TWSG1: variants seen among roughly 807,000 people sequenced by gnomAD.
TWSG1 encodes the protein twisted gastrulation protein homolog 1.
A neutral mutation model predicts 23.0 loss-of-function variants in TWSG1; 15 were observed. That is an observed-to-expected ratio of 0.65 (90% CI 0.44 to 1.00). The LOEUF is 1.00. Ranked by LOEUF, TWSG1 falls within the 50% of genes least tolerant of loss-of-function variation. The pLI, the probability that TWSG1 is intolerant of heterozygous loss-of-function variation, is 0.00. For missense variants in TWSG1, 242 were observed against 278.7 expected, an observed-to-expected ratio of 0.87 and a Z score of 0.94; for synonymous variants, 86 against 92.8, an observed-to-expected ratio of 0.93 and a Z score of 0.42.
intron 3 of TWSG1, among the ~76,000 whole-genome samples, chr18:9,361,719 G>GT (rs1307480635): frequency 3.3e-5 from 5 of 152,158 alleles, no homozygotes; most frequent in Admixed American, 3.3e-4. Flanking sequence ...TACGTTCCTT[G>GT]TTTTTTTCCC....
chr18:9,355,403 C>T (rs1381467154), intron 2 of TWSG1, among the ~76,000 whole-genome samples: 1 of 152,114 alleles, frequency 6.6e-6, no homozygotes, highest in African/African-American at 2.4e-5. Flanking sequence ...GAGTTCAAAG[C>T]ACTTTACAAA....
chr18:9,382,174 A>G (rs767356401), intron 3 of TWSG1, among the ~76,000 whole-genome samples: 1 of 151,200 alleles, frequency 6.6e-6, no homozygotes, highest in Non-Finnish European at 1.5e-5. Context: ...GGAAAGTTCT[A>G]ACTTTTGGGA....
chr18:9,353,243 A>C lies in TWSG1; in HGVS notation c.124-6729A>C, dbSNP rs538668423. On this transcript the variant is annotated intron_variant, in intron 2 of 4. Transcript: ENST00000262120. The stretch of plus-strand genomic sequence containing the variant: ...GATGCATTTTTCAGAATGTATCCCT[A>C]TCCTTAAGCGATAAAGCGTGACTGT... 1.1e-3 allele frequency among the ~76,000 whole-genome samples: 170 copies of C among 152,012 alleles called. 2 individuals carry two copies. The highest frequency in any genetic ancestry group is 4.0e-3 in the African/African-American group (166 of 41,504).
chr18:9,349,348 G>A (rs902616933), intron 2 of TWSG1, among the ~76,000 whole-genome samples: 1 of 152,116 alleles, frequency 6.6e-6, no homozygotes, highest in Non-Finnish European at 1.5e-5. Context: ...TAGTTTTTAG[G>A]ATGACATAAA....
chr18:9,396,225 G>A, intron 3 of TWSG1, 55 bp from the exon 4 acceptor site: 2 of 1,471,304 alleles, frequency 1.4e-6, no homozygotes. Flanking sequence ...ATGTGTTATA[G>A]CTCTGATTGC....
At chr18:9,366,651 G>C (rs891364226) in intron 3 of TWSG1, among the ~76,000 whole-genome samples, 3 of 152,154 alleles carry the variant, frequency 2.0e-5, no homozygotes, top group African/African-American at 7.2e-5. Flanking sequence ...TTCCTGCATA[G>C]AATGGATTTC....
chr18:9,352,134 T>C (rs983992722), intron 2 of TWSG1, among the ~76,000 whole-genome samples: 1 of 152,200 alleles, frequency 6.6e-6, no homozygotes, highest in African/African-American at 2.4e-5. Flanking sequence ...TTTTTTTCTC[T>C]ATAGTTTTGC....
At position 9,401,928 on chromosome 18, in the gene TWSG1, C is replaced by A. The variant is rs894322571; in HGVS notation, c.*2401C>A. The A allele has an allele frequency of 1.3e-4, 20 of 151,876 alleles. No individual in the cohort carries two copies. The highest frequency in any genetic ancestry group is 4.8e-4 in the African/African-American group (20 of 41,342). The allele number at this position is 151,876 out of a possible 1,614,324, so 9.4% of individuals were successfully genotyped here. On this transcript the variant is annotated 3_prime_UTR_variant, in exon 5 of 5. Transcript: ENST00000262120. Reference sequence around the variant, plus strand: ...TTAAATCAGTGGGTATCATAAAAGCCATATATAAAAGATCCTTTCTTATAG... The same window carrying A: ...TTAAATCAGTGGGTATCATAAAAGCAATATATAAAAGATCCTTTCTTATAG...
intron 2 of TWSG1, among the ~76,000 whole-genome samples, chr18:9,347,610 ATT>A (rs1222682083): frequency 6.6e-6 from 1 of 152,042 alleles, no homozygotes; most frequent in East Asian, 1.9e-4. Flanking sequence ...TAGTGGAATT[ATT>A]CTCTTAATTT....
At chr18:9,377,874 A>G (rs1305963919) in intron 3 of TWSG1, among the ~76,000 whole-genome samples, 3 of 151,958 alleles carry the variant, frequency 2.0e-5, no homozygotes, top group Non-Finnish European at 4.4e-5. Context: ...ATGTGCCACC[A>G]CGCCTGGCTA....
At chr18:9,389,222 C>T (rs1041335708) in intron 3 of TWSG1, among the ~76,000 whole-genome samples, 10 of 151,720 alleles carry the variant, frequency 6.6e-5, no homozygotes, top group African/African-American at 1.2e-4. Flanking sequence ...GTGATGTGCC[C>T]GCCTCAGCCT....
chr18:9,363,742 C>T (rs1045737022), intron 3 of TWSG1, among the ~76,000 whole-genome samples: 1 of 152,102 alleles, frequency 6.6e-6, no homozygotes, highest in African/African-American at 2.4e-5. Context: ...TCTCCTGCCT[C>T]AGCCTCCCAG....
intron 3 of TWSG1, among the ~76,000 whole-genome samples, chr18:9,392,817 A>G (rs1309370718): frequency 6.6e-6 from 1 of 152,170 alleles, no homozygotes; most frequent in Non-Finnish European, 1.5e-5. Context: ...GAACACTTGG[A>G]GACCATAGTA....
At chr18:9,340,445 A>G (rs1300325210) in intron 2 of TWSG1, among the ~76,000 whole-genome samples, 2 of 151,934 alleles carry the variant, frequency 1.3e-5, no homozygotes, top group East Asian at 1.9e-4. Flanking sequence ...ATTCACAAAC[A>G]TTTATTGAGT....
At chr18:9,394,669 CATAAGT>C (rs1454375890) in intron 3 of TWSG1, among the ~76,000 whole-genome samples, 3 of 152,250 alleles carry the variant, frequency 2.0e-5, no homozygotes, top group East Asian at 3.9e-4. Flanking sequence ...CACTGTAACT[CATAAGT>C]ATAATTATTA....
intron 4 of TWSG1, 52 bp downstream of exon 4, chr18:9,396,598 C>T (rs2040737748): frequency 1.3e-6 from 2 of 1,577,596 alleles, no homozygotes; most frequent in Non-Finnish European, 1.7e-6. Flanking sequence ...GTGGTCTGTC[C>T]ATGTAATCTA....
chr18:9,338,143 A>G (rs1410649692), intron 2 of TWSG1, among the ~76,000 whole-genome samples: 2 of 152,254 alleles, frequency 1.3e-5, no homozygotes, highest in Non-Finnish European at 2.9e-5. Flanking sequence ...GTCAGCTAAC[A>G]TGACTGTAAC....
chr18:9,337,310 C>G lies in TWSG1; in HGVS notation c.81C>G (p.Asn27Lys), dbSNP rs1285421601. 3 of 1,613,582 alleles carry G rather than the reference C, an allele frequency of 1.9e-6. No individual in the cohort carries two copies. Residue 27 changes from asparagine (N) to lysine (K), a missense_variant, in exon 2 of 5, where the codon AAC becomes AAG. By Grantham distance (94) the Asn-to-Lys change is moderately conservative. Transcript: ENST00000262120. Reference sequence around the variant, plus strand: ...GGCTTCCAGAATCACTGAGCTGTAACAAAGCACTCTGTGCTAGTGATGTGA... The same window carrying G: ...GGCTTCCAGAATCACTGAGCTGTAAGAAAGCACTCTGTGCTAGTGATGTGA... ...LTWLPESLSC[N>K]KALCASDVSK... is the part of the protein sequence containing the mutation.
Position 9,396,268 on chromosome 18 carries a change from C to A in TWSG1, c.224-12C>A, listed in dbSNP as rs748154167. Reference sequence around the variant, plus strand: ...TAACTAACAAAATCTTATGATATTACCCCCAACCCAGGTATGTGTAATCCT... The same window carrying A: ...TAACTAACAAAATCTTATGATATTAACCCCAACCCAGGTATGTGTAATCCT... On this transcript the variant is annotated splice_polypyrimidine_tract_variant and intron_variant, in intron 3 of 4. Transcript: ENST00000262120. 65 of 1,611,950 alleles carry A rather than the reference C, an allele frequency of 4.0e-5. No individual in the cohort carries two copies. In the Middle Eastern group the frequency reaches 2.1e-3, roughly 53 times the overall value.
Sources: gnomAD v4.1 joint callset for allele counts (sites outside exome capture counted in the v4.1 genomes callset) on GRCh38, gnomAD v4.1.1 for gene constraint, MANE v1.5 for transcripts, NCBI Gene and HGNC (gene_info 2026-07-23, HGNC 2026-07-21) for gene names.